Variants in WDR86 observed in about 807,000 individuals in gnomAD.
WDR86 encodes WD repeat domain 86, also known as WD repeat-containing protein 86.
A neutral mutation model predicts 36.5 loss-of-function variants in WDR86; 30 were observed. The observed-to-expected ratio is 0.82, with a 90% CI of 0.61 to 1.11. The LOEUF is 1.11. Among genes scored for constraint, WDR86 ranks in the 50% most tolerant of loss-of-function variants. The probability of loss-of-function intolerance (pLI) is 0.00; values close to 1 mark genes in which losing one functional copy is unlikely to be tolerated. For missense variants in WDR86, 545 were observed against 561.2 expected, an observed-to-expected ratio of 0.97 and a Z score of 0.29; for synonymous variants, 255 against 252.9, an observed-to-expected ratio of 1.01 and a Z score of -0.08.
chr7:151,398,762 G>A (rs942234427), intron 2 of WDR86, among the ~76,000 whole-genome samples: 8 of 152,176 alleles, frequency 5.3e-5, no homozygotes, highest in Non-Finnish European at 1.0e-4. Flanking sequence ...AAATCTGGCC[G>A]AGCATGATTT....
downstream of WDR86, chr7:151,378,458 C>G (rs1798414887): frequency 2.0e-5 from 3 of 152,312 alleles, 1 homozygote; most frequent in South Asian, 6.2e-4. Flanking sequence ...AATTGTCACC[C>G]TAATTTTGCA....
downstream of WDR86, among the ~76,000 whole-genome samples, chr7:151,374,925 G>T (rs1382075648): frequency 6.6e-6 from 1 of 152,170 alleles, no homozygotes; most frequent in Non-Finnish European, 1.5e-5. Context: ...GGGGCTGGCT[G>T]TGTGGAGGCA....
chr7:151,385,001 A>G, intron 4 of WDR86, 87 bp downstream of exon 4: 4 of 1,410,152 alleles, frequency 2.8e-6, no homozygotes, highest in South Asian at 1.4e-5. Flanking sequence ...CCAAGGCTCA[A>G]TGAGGGAAAA....
At position 151,381,408 on chromosome 7, in the gene WDR86, C is replaced by A; in HGVS notation, c.*174G>T. On this transcript the variant is annotated 3_prime_UTR_variant, in exon 6 of 6. Transcript: ENST00000334493. This position sits in a 1 kb window ranked among gnomAD's most constrained non-coding sequence, Gnocchi z 4.8. ...CCAGGGCGAGCACTCCCGCTCCCAG[C>A]GCCTCCTGGCCACCAAAGAAAAACC... is the stretch of plus-strand genomic sequence containing the variant. 4 of 1,481,558 alleles carry A rather than the reference C, an allele frequency of 2.7e-6. No individual in the cohort carries two copies. Among genetic ancestry groups the A allele is most frequent in the Non-Finnish European group, 3.6e-6 (4 of 1,124,226 alleles). The allele number at this position is 1,481,558 out of a possible 1,614,324, so 91.8% of individuals were successfully genotyped here.
chr7:151,404,075 A>C (rs1800534975), intron 1 of WDR86, among the ~76,000 whole-genome samples: 1 of 152,242 alleles, frequency 6.6e-6, no homozygotes, highest in Admixed American at 6.5e-5. Flanking sequence ...GTGGAACTGA[A>C]GCCTGAAGCC....
At chr7:151,368,955 T>A in the WDR86 span, 1 of 1,473,112 alleles carries the variant, frequency 6.8e-7, no homozygotes, top group Non-Finnish European at 9.1e-7. Context: ...CCCACAGGAG[T>A]GTTAATAACC....
Position 151,408,887 on chromosome 7 carries a change from T to C in WDR86, c.163+540A>G, listed in dbSNP as rs1039000632. 7.4e-5 allele frequency: 35 copies of C among 470,224 alleles called. No individual in the cohort carries two copies. The Admixed American group carries it at 8.0e-4, about 11-fold the overall frequency. The allele number at this position is 470,224 out of a possible 1,614,324, so 29.1% of individuals were successfully genotyped here. A position where few individuals can be genotyped will look rare whatever the true frequency, so the allele number is the denominator to read the frequency against. ...TGGCTGTGCGACCTGGGCGAATTAC[T>C]TAACTCCCAGCCTGTTTCCACGTCT... On this transcript the variant is annotated intron_variant, in intron 1 of 5. Coordinates refer to ENST00000334493, the MANE Select transcript of WDR86 (RefSeq NM_198285.3).
intron 3 of WDR86, among the ~76,000 whole-genome samples, chr7:151,393,776 C>T (rs1401086775): frequency 1.3e-5 from 2 of 152,216 alleles, no homozygotes; most frequent in East Asian, 1.9e-4. Flanking sequence ...CAGCTCTTTA[C>T]GAGTCTCGGG....
In WDR86 at chr7:151,381,789, G is replaced by A. The variant is rs1455488471; in HGVS notation, c.967-43C>T. 12 of 1,505,444 alleles carry A rather than the reference G, an allele frequency of 8.0e-6. No homozygotes were observed. Among genetic ancestry groups the A allele is most frequent in the Non-Finnish European group, 1.1e-5 (12 of 1,124,384 alleles). The allele number at this position is 1,505,444 out of a possible 1,614,324, so 93.3% of individuals were successfully genotyped here. A position where few individuals can be genotyped will look rare whatever the true frequency, so the allele number is the denominator to read the frequency against. On this transcript the variant is annotated intron_variant, in intron 5 of 5. Coordinates refer to ENST00000334493, the MANE Select transcript of WDR86 (RefSeq NM_198285.3). The surrounding 1 kb of genome is among the most constrained non-coding windows in gnomAD (Gnocchi z 4.8). ...GGCGTCACCGGTGACGCGGTAGGCG[G>A]GGGGGACACCGCTGCCCGCGTGGAT...
At chr7:151,404,185 C>G (rs190645959) in intron 1 of WDR86, among the ~76,000 whole-genome samples, 52 of 152,034 alleles carry the variant, frequency 3.4e-4, no homozygotes, top group Admixed American at 8.5e-4. Flanking sequence ...AATGTAAATG[C>G]ATACAAATAT....
intron 3 of WDR86, 67 bp downstream of exon 3, chr7:151,395,709 C>T: frequency 2.0e-6 from 3 of 1,466,980 alleles, no homozygotes; most frequent in Non-Finnish European, 1.8e-6. Flanking sequence ...ATACCCAGGG[C>T]AGGGCGGCAG....
chr7:151,392,192 C>A (rs1008187991), intron 3 of WDR86, among the ~76,000 whole-genome samples: 2 of 152,150 alleles, frequency 1.3e-5, no homozygotes, highest in Non-Finnish European at 2.9e-5. Flanking sequence ...GGGCCCCCAG[C>A]CTATGCTGCA....
chr7:151,395,723 AG>A, intron 3 of WDR86, 52 bp downstream of exon 3: 1 of 1,500,642 alleles, frequency 6.7e-7, no homozygotes, highest in Non-Finnish European at 8.9e-7. Flanking sequence ...GCGGCAGTGC[AG>A]GGGGTGACCT....
At chr7:151,386,242 T>G (rs905843589) in intron 3 of WDR86, among the ~76,000 whole-genome samples, 1 of 152,204 alleles carries the variant, frequency 6.6e-6, no homozygotes, top group African/African-American at 2.4e-5. Flanking sequence ...GACCACGCTC[T>G]GGGCCACTTT....
In WDR86 at chr7:151,381,791, G is replaced by A. The variant is rs1157051341; in HGVS notation, c.967-45C>T. The stretch of plus-strand genomic sequence containing the variant: ...CGTCACCGGTGACGCGGTAGGCGGG[G>A]GGGACACCGCTGCCCGCGTGGATGG... On this transcript the variant is annotated intron_variant, in intron 5 of 5. Coordinates refer to ENST00000334493, the MANE Select transcript of WDR86 (RefSeq NM_198285.3). The surrounding 1 kb of genome is among the most constrained non-coding windows in gnomAD (Gnocchi z 4.8). 2 of 1,506,184 alleles carry A rather than the reference G, an allele frequency of 1.3e-6. No homozygotes were observed. Among genetic ancestry groups the A allele is most frequent in the Admixed American group, 2.2e-5 (1 of 45,656 alleles). The allele number at this position is 1,506,184 out of a possible 1,614,324, so 93.3% of individuals were successfully genotyped here.
intron 1 of WDR86, among the ~76,000 whole-genome samples, chr7:151,403,593 G>A (rs1455032938): frequency 6.6e-6 from 1 of 152,076 alleles, no homozygotes; most frequent in East Asian, 1.9e-4. Context: ...CAGCCTCCCT[G>A]GAGGGCATAT....
intron 3 of WDR86, among the ~76,000 whole-genome samples, chr7:151,392,103 C>G (rs1453594035): frequency 6.6e-6 from 1 of 152,172 alleles, no homozygotes; most frequent in Non-Finnish European, 1.5e-5. Context: ...AAGGTGCTGC[C>G]CAGCTGAGAC....
At chr7:151,410,152 G>A (rs1032930852), upstream of WDR86, 2 of 903,702 alleles carry the variant, frequency 2.2e-6, no homozygotes, top group Admixed American at 6.2e-5. Context: ...TCGCTGTGCG[G>A]GTCCGGGGGA....
intron 4 of WDR86, among the ~76,000 whole-genome samples, chr7:151,382,223 G>A (rs1040869180): frequency 1.3e-5 from 2 of 152,346 alleles, no homozygotes; most frequent in South Asian, 2.1e-4. Flanking sequence ...ACACCGCCCG[G>A]GCCCAGTCCC....
Sources: gnomAD v4.1 joint callset for allele counts (sites outside exome capture counted in the v4.1 genomes callset) on GRCh38, gnomAD v4.1.1 for gene constraint, Gnocchi (gnomAD v3.1) non-coding constraint, MANE v1.5 for transcripts, NCBI Gene and HGNC (gene_info 2026-07-23, HGNC 2026-07-21) for gene names.